ST8SIA1: variants seen among roughly 807,000 people sequenced by gnomAD.
The protein encoded by ST8SIA1 is ST8 alpha-N-acetyl-neuraminide alpha-2,8-sialyltransferase 1, also known as alpha-N-acetylneuraminide alpha-2,8-sialyltransferase.
ST8SIA1 carries 16 observed loss-of-function variants against 35.9 expected under a neutral mutation model. That is an observed-to-expected ratio of 0.45 (90% CI 0.30 to 0.68). The LOEUF (loss-of-function observed/expected upper bound fraction) is 0.68, where lower values mean the gene tolerates loss of function less well. Ranked by LOEUF, ST8SIA1 falls within the 30% of genes least tolerant of loss-of-function variation. ST8SIA1 has a pLI of 0.09. For missense variants in ST8SIA1, 383 were observed against 453.6 expected (o/e 0.84, Z 1.41); for synonymous variants, 170 against 169.6 (o/e 1.00, Z -0.02).
In ST8SIA1 at chr12:22,201,841, T is replaced by C. The variant is rs898879709; in HGVS notation, c.782A>G (p.Lys261Arg). 3.1e-6 allele frequency: 5 copies of C among 1,614,032 alleles called. No homozygotes were observed. Among genetic ancestry groups the C allele is most frequent in the Middle Eastern group, 1.6e-4 (1 of 6,084 alleles). ...ANPNFLRSIG[K>R]FWKSRGIHAK... ...ATGGATTCCTCTACTTTTCCAGAAC[T>C]TTCCAATGCTACGCAGAAAGTTGGG... Residue 261 changes from lysine (K) to arginine (R), a missense_variant, in exon 5 of 5, where the codon AAG becomes AGG. By Grantham distance (26) the Lys-to-Arg change is conservative. Coordinates refer to ENST00000396037, the MANE Select transcript of ST8SIA1 (RefSeq NM_003034.4).
rs200426870 is a variant in ST8SIA1 at position 22,255,251 on chromosome 12, G to C, written c.491+29C>G. ...GGGGTGGGGAAAAGGAGAGAAGGCAGAGGCCGCGCTGTGGGTGCTCTCTCT... is the reference window on the plus strand; with the variant it reads ...GGGGTGGGGAAAAGGAGAGAAGGCACAGGCCGCGCTGTGGGTGCTCTCTCT... On this transcript the variant is annotated intron_variant, in intron 3 of 4. Coordinates refer to ENST00000396037, the MANE Select transcript of ST8SIA1 (RefSeq NM_003034.4). The C allele has an allele frequency of 5.6e-5, 89 of 1,585,654 alleles. No individual in the cohort carries two copies. In the East Asian group the frequency reaches 1.8e-3, roughly 33 times the overall value.
rs548136894 is a variant in ST8SIA1 at position 22,320,745 on chromosome 12, G to T, written c.236+13252C>A. The stretch of plus-strand genomic sequence containing the variant: ...AGGTACTTGGGAGGCTGAGTCAGGA[G>T]GTTTCCTTGAGCCCAGCAGGGCTGC... On this transcript the variant is annotated intron_variant, in intron 1 of 4. Coordinates refer to ENST00000396037, the MANE Select transcript of ST8SIA1 (RefSeq NM_003034.4). 2.4e-4 allele frequency among the ~76,000 whole-genome samples: 37 copies of T among 151,436 alleles called. No individual in the cohort carries two copies. In the South Asian group the frequency reaches 3.1e-3, roughly 13 times the overall value.
chr12:22,331,863 T>C (rs1338821774), intron 1 of ST8SIA1, among the ~76,000 whole-genome samples: 1 of 152,180 alleles, frequency 6.6e-6, no homozygotes, highest in African/African-American at 2.4e-5. Context: ...GATTTCCTTA[T>C]TTAAGTTGTA....
At chr12:22,328,866 G>C (rs912475269) in intron 1 of ST8SIA1, among the ~76,000 whole-genome samples, 3 of 152,164 alleles carry the variant, frequency 2.0e-5, no homozygotes, top group Admixed American at 2.0e-4. Flanking sequence ...AGAGAAATGA[G>C]CAATGAAGGC....
chr12:22,321,881 G>C (rs1291250277), intron 1 of ST8SIA1, among the ~76,000 whole-genome samples: 3 of 152,206 alleles, frequency 2.0e-5, no homozygotes, highest in Non-Finnish European at 4.4e-5. Context: ...AGGTTGAGTT[G>C]AGAACAGTTG....
At chr12:22,242,144 A>G (rs1865548597) in intron 4 of ST8SIA1, among the ~76,000 whole-genome samples, 1 of 152,188 alleles carries the variant, frequency 6.6e-6, no homozygotes, top group South Asian at 2.1e-4. Context: ...CCCCTGAACA[A>G]AAGCAAAAAT....
intron 4 of ST8SIA1, among the ~76,000 whole-genome samples, chr12:22,204,478 C>T (rs1268590618): frequency 6.6e-6 from 1 of 152,172 alleles, no homozygotes; most frequent in African/African-American, 2.4e-5. Context: ...GCTTTCCTTG[C>T]TTCCTTCCAT....
At chr12:22,263,924 A>T (rs1459106395) in intron 2 of ST8SIA1, among the ~76,000 whole-genome samples, 1 of 152,188 alleles carries the variant, frequency 6.6e-6, no homozygotes, top group Non-Finnish European at 1.5e-5. Flanking sequence ...GCCACCTGCT[A>T]TCAGTCATGA....
chr12:22,205,968 A>G (rs1371124564), intron 4 of ST8SIA1, among the ~76,000 whole-genome samples: 2 of 152,192 alleles, frequency 1.3e-5, no homozygotes, highest in African/African-American at 4.8e-5. Context: ...GATAAATTGT[A>G]GAGTCTGAAT....
At chr12:22,330,396 G>A (rs969816379) in intron 1 of ST8SIA1, among the ~76,000 whole-genome samples, 2 of 152,098 alleles carry the variant, frequency 1.3e-5, no homozygotes, top group Non-Finnish European at 2.9e-5. Flanking sequence ...ATTCTTACAA[G>A]CCCCAATTTA....
intron 2 of ST8SIA1, among the ~76,000 whole-genome samples, chr12:22,273,350 C>A (rs969747955): frequency 1.3e-5 from 2 of 152,198 alleles, no homozygotes; most frequent in African/African-American, 4.8e-5. Flanking sequence ...TTTGCTTTGA[C>A]CTTTTTGCAC....
At chr12:22,217,031 T>C (rs1865240937) in intron 4 of ST8SIA1, among the ~76,000 whole-genome samples, 1 of 152,232 alleles carries the variant, frequency 6.6e-6, no homozygotes, top group African/African-American at 2.4e-5. Flanking sequence ...AAATCTCTCA[T>C]TAGGCACTAG....
At chr12:22,208,485 T>G (rs570739626) in intron 4 of ST8SIA1, among the ~76,000 whole-genome samples, 1 of 152,082 alleles carries the variant, frequency 6.6e-6, no homozygotes, top group South Asian at 2.1e-4. Flanking sequence ...CCCAAACACT[T>G]TGAAATAAGC....
intron 4 of ST8SIA1, among the ~76,000 whole-genome samples, chr12:22,210,726 A>G (rs530761460): frequency 1.2e-4 from 18 of 152,352 alleles, no homozygotes; most frequent in African/African-American, 4.1e-4. Context: ...CTGGTTTATT[A>G]TAAAGATTAC....
At chr12:22,250,732 TGTGA>T (rs1194645346) in intron 3 of ST8SIA1, 2 of 152,242 alleles carry the variant, frequency 1.3e-5, no homozygotes, top group Non-Finnish European at 2.9e-5. Context: ...TTATTTACCC[TGTGA>T]GTATCAACAC....
chr12:22,218,042 A>G (rs1441755974), intron 4 of ST8SIA1, among the ~76,000 whole-genome samples: 2 of 152,226 alleles, frequency 1.3e-5, no homozygotes, highest in Non-Finnish European at 2.9e-5. Context: ...AAATAACAAG[A>G]AATAGGCCCG....
chr12:22,234,421 C>T (rs1330587698), intron 4 of ST8SIA1, among the ~76,000 whole-genome samples: 2 of 152,140 alleles, frequency 1.3e-5, no homozygotes, highest in Non-Finnish European at 2.9e-5. Flanking sequence ...ATTTTTCCTA[C>T]TTTCATCTGC....
chr12:22,265,905 C>T (rs1418198015), intron 2 of ST8SIA1, among the ~76,000 whole-genome samples: 2 of 151,926 alleles, frequency 1.3e-5, no homozygotes, highest in Admixed American at 1.3e-4. Flanking sequence ...AAAAAAGTAC[C>T]ATGTTTTCCC....
intron 1 of ST8SIA1, among the ~76,000 whole-genome samples, chr12:22,311,575 A>G (rs967375056): frequency 1.3e-5 from 2 of 152,166 alleles, no homozygotes; most frequent in African/African-American, 4.8e-5. Flanking sequence ...TTATTCTGAG[A>G]TGATGTCCTT....
Sources: allele counts gnomAD v4.1 joint callset (sites outside exome capture counted in the v4.1 genomes callset), GRCh38; gene constraint gnomAD v4.1.1; transcripts MANE v1.5; gene names NCBI Gene and HGNC (gene_info 2026-07-23, HGNC 2026-07-21).